TRPV4: variants seen among roughly 807,000 people sequenced by gnomAD.
TRPV4 encodes the protein OSM9-like transient receptor potential channel 4.
Under a neutral mutation model 84.1 loss-of-function variants are expected in TRPV4, and 58 were observed. The observed-to-expected ratio is 0.69, with a 90% CI of 0.56 to 0.86. The LOEUF (loss-of-function observed/expected upper bound fraction) is 0.86, where lower values mean the gene tolerates loss of function less well. Ranked by LOEUF, TRPV4 falls within the 40% of genes least tolerant of loss-of-function variation. The probability of loss-of-function intolerance (pLI) is 0.00; values close to 1 mark genes in which losing one functional copy is unlikely to be tolerated. For synonymous variants in TRPV4, 489 were observed against 500.9 expected (o/e 0.98, Z 0.32); for missense variants, 879 against 1,181.1 (o/e 0.74, Z 3.75).
Position 109,786,673 on chromosome 12 carries a change from C to A in TRPV4, c.2336+37G>T. ...GGGCCCCGAGCCAGTGGGGACAGTTCCGCCCTGCCATCCTGGCCCCACTGC... is the reference window on the plus strand; with the variant it reads ...GGGCCCCGAGCCAGTGGGGACAGTTACGCCCTGCCATCCTGGCCCCACTGC... On this transcript the variant is annotated intron_variant, in intron 14 of 15. Transcript: ENST00000261740. This position sits in a 1 kb window ranked among gnomAD's most constrained non-coding sequence, Gnocchi z 4.5. 6.2e-7 allele frequency: 1 copy of A among 1,612,444 alleles called. No homozygotes were observed. The highest frequency in any genetic ancestry group is 8.5e-7 in the Non-Finnish European group (1 of 1,179,820).
chr12:109,798,589 G>C lies in TRPV4; in HGVS notation c.1152+25C>G. ...CAGAGGGGTACGAGTAGGTGGATCA[G>C]CTGTGCCCCCAGCCGCACACTCACC... On this transcript the variant is annotated intron_variant, in intron 6 of 15. Coordinates refer to ENST00000261740, the MANE Select transcript of TRPV4 (RefSeq NM_021625.5). The surrounding 1 kb of genome is among the most constrained non-coding windows in gnomAD (Gnocchi z 5.0). The C allele has an allele frequency of 6.2e-7, 1 of 1,607,388 alleles. No individual in the cohort carries two copies. The highest frequency in any genetic ancestry group is 8.5e-7 in the Non-Finnish European group (1 of 1,179,844).
chr12:109,797,777 C>T (rs1890498483), intron 6 of TRPV4, among the ~76,000 whole-genome samples: 1 of 152,202 alleles, frequency 6.6e-6, no homozygotes, highest in Non-Finnish European at 1.5e-5. Context: ...ACCTCAGCCT[C>T]CCAACTAGCT....
At position 109,796,452 on chromosome 12, in the gene TRPV4, G is replaced by A; in HGVS notation, c.1332+73C>T. Reference sequence around the variant, plus strand: ...GGCTGGGGCTGTCTCCCCCAGCCCAGCCCCAGGGCCCTGTCCCTACTCCCA... The same window carrying A: ...GGCTGGGGCTGTCTCCCCCAGCCCAACCCCAGGGCCCTGTCCCTACTCCCA... On this transcript the variant is annotated intron_variant, in intron 7 of 15. Coordinates refer to ENST00000261740, the MANE Select transcript of TRPV4 (RefSeq NM_021625.5). This position sits in a 1 kb window ranked among gnomAD's most constrained non-coding sequence, Gnocchi z 4.2. The A allele has an allele frequency of 1.3e-6, 2 of 1,573,436 alleles. No homozygotes were observed. The highest frequency in any genetic ancestry group is 1.7e-6 in the Non-Finnish European group (2 of 1,153,892).
At chr12:109,825,702 G>A (rs370760947) in intron 1 of TRPV4, among the ~76,000 whole-genome samples, 1 of 152,160 alleles carries the variant, frequency 6.6e-6, no homozygotes, top group East Asian at 1.9e-4. Flanking sequence ...GGACCAGAAG[G>A]GACAGGACAC....
intron 7 of TRPV4, among the ~76,000 whole-genome samples, chr12:109,795,455 C>T (rs1890328504): frequency 6.6e-6 from 1 of 152,218 alleles, no homozygotes; most frequent in African/African-American, 2.4e-5. Context: ...AGACCACCTG[C>T]ACCCAGTCCC....
At chr12:109,831,521 T>C (rs149853245) in intron 1 of TRPV4, among the ~76,000 whole-genome samples, 5 of 152,368 alleles carry the variant, frequency 3.3e-5, no homozygotes, top group Middle Eastern at 3.4e-3. Context: ...AAGCTGGGAT[T>C]GGAAGCATCT....
chr12:109,793,464 G>A lies in TRPV4; in HGVS notation c.1658+63C>T. On this transcript the variant is annotated intron_variant, in intron 10 of 15. Transcript: ENST00000261740. The surrounding 1 kb of genome is among the most constrained non-coding windows in gnomAD (Gnocchi z 4.0). ...AATCACCTCTCTCCTGAATCTGGAC[G>A]ACCTAGCAGCCCAAACCCACCTTCC... 1.0e-5 allele frequency: 14 copies of A among 1,389,304 alleles called. No individual in the cohort carries two copies. Among genetic ancestry groups the A allele is most frequent in the Admixed American group, 3.4e-5 (2 of 59,688 alleles). 86.1% of individuals were successfully genotyped at this position (1,389,304 alleles called of 1,614,324 possible). A position where few individuals can be genotyped will look rare whatever the true frequency, so the allele number is the denominator to read the frequency against.
At chr12:109,797,827 A>G (rs12579553) in intron 6 of TRPV4, among the ~76,000 whole-genome samples, 19,281 of 152,172 alleles carry the variant, frequency 0.13, 1,558 homozygotes, top group African/African-American at 0.22. Context: ...TGCTTCTCCC[A>G]GGCTCCTTCC....
chr12:109,799,963 G>A (rs1890670132), intron 5 of TRPV4, among the ~76,000 whole-genome samples: 1 of 150,932 alleles, frequency 6.6e-6, no homozygotes, highest in East Asian at 1.9e-4. Context: ...TATTTTTTGA[G>A]ACAGAGTCTC....
In TRPV4 at chr12:109,814,825, A is replaced by G; in HGVS notation, c.-29T>C. 6.5e-7 allele frequency: 1 copy of G among 1,535,456 alleles called. No homozygotes were observed. The highest frequency in any genetic ancestry group is 8.7e-7 in the Non-Finnish European group (1 of 1,146,632). On this transcript the variant is annotated splice_region_variant and 5_prime_UTR_variant, in exon 2 of 16. Coordinates refer to ENST00000261740, the MANE Select transcript of TRPV4 (RefSeq NM_021625.5). This position sits in a 1 kb window ranked among gnomAD's most constrained non-coding sequence, Gnocchi z 5.4. ...TGCCCCAGGCCCGTCTGCACTGCTC[A>G]GCCTGCAAGGGAATGAAAGGGGAGT...
In TRPV4 at chr12:109,802,619, T is replaced by TTA. The variant is rs1372678874; in HGVS notation, c.712+371_712+372insTA. 1.2e-4 allele frequency among the ~76,000 whole-genome samples: 12 copies of TTA among 100,440 alleles called. No individual in the cohort carries two copies. The South Asian group carries it at 3.7e-3, about 31-fold the overall frequency. The allele number at this position is 100,440 out of a possible 152,430, so 65.9% of individuals were successfully genotyped here. On this transcript the variant is annotated intron_variant, in intron 4 of 15. Coordinates refer to ENST00000261740, the MANE Select transcript of TRPV4 (RefSeq NM_021625.5). Reference sequence around the variant, plus strand: ...ACCTGGCCTTCTTTTATTTTATTTTTTTTTTTTTGTATCTTTTGTCAAGAC... The same window carrying TTA: ...ACCTGGCCTTCTTTTATTTTATTTTTTATTTTTTTTGTATCTTTTGTCAAGAC...
intron 1 of TRPV4, among the ~76,000 whole-genome samples, chr12:109,824,122 C>T (rs919284099): frequency 1.4e-4 from 22 of 152,082 alleles, no homozygotes; most frequent in African/African-American, 4.6e-4. Flanking sequence ...CCCACCGCTG[C>T]GCCAGCTAAT....
chr12:109,802,592 G>T (rs968620303), intron 4 of TRPV4, among the ~76,000 whole-genome samples: 1 of 149,614 alleles, frequency 6.7e-6, no homozygotes, highest in Non-Finnish European at 1.5e-5. Flanking sequence ...GTGAGCCACC[G>T]CACCTGGCCT....
intron 1 of TRPV4, among the ~76,000 whole-genome samples, chr12:109,821,354 C>G (rs781106628): frequency 4.6e-5 from 7 of 152,190 alleles, no homozygotes; most frequent in Non-Finnish European, 1.0e-4. Context: ...CAGGCCTTTG[C>G]CTAGGCTGTT....
intron 12 of TRPV4, 55 bp downstream of exon 12, chr12:109,792,308 C>T: frequency 1.6e-6 from 2 of 1,272,486 alleles, no homozygotes; most frequent in Non-Finnish European, 2.3e-6. Context: ...ATCATGGCTA[C>T]TGTTCCCGTC....
At position 109,792,784 on chromosome 12, in the gene TRPV4, T is replaced by C. The variant is rs1352295335; in HGVS notation, c.1692A>G (p.Ala564=). 6.2e-7 allele frequency: 1 copy of C among 1,614,022 alleles called. No homozygotes were observed. ...FIYSVLVIVS[A]ALYLAGIEAY... ...CCTCGATCCCTGCCAGGTAGAGGGC[T>C]GCTGAGACGATCACCAGGACAGAGT... is the stretch of plus-strand genomic sequence containing the variant. Residue 564 remains alanine (A), a synonymous_variant, in exon 11 of 16, where the codon GCA becomes GCG. Transcript: ENST00000261740.
rs1891787050 is a variant in TRPV4 at position 109,815,116 on chromosome 12, A to G, written c.-31-289T>C. Among the ~76,000 whole-genome samples, 1 of 152,204 alleles carries G rather than the reference A, an allele frequency of 6.6e-6. No homozygotes were observed. The highest frequency in any genetic ancestry group is 1.5e-5 in the Non-Finnish European group (1 of 68,020). On this transcript the variant is annotated intron_variant, in intron 1 of 15. Transcript: ENST00000261740. The surrounding 1 kb of genome is among the most constrained non-coding windows in gnomAD (Gnocchi z 4.1). ...CTTCAGGGTCAAGCTGGGACCCCAT[A>G]CTTGGATCCCAGACCCTACTGCTGA...
chr12:109,795,695 C>T (rs12578401), intron 7 of TRPV4, among the ~76,000 whole-genome samples: 19,237 of 152,096 alleles, frequency 0.13, 1,559 homozygotes, highest in African/African-American at 0.22. Context: ...TACAGAACGA[C>T]GTTCACAAAA....
At chr12:109,787,643 A>T (rs548930094) in intron 13 of TRPV4, among the ~76,000 whole-genome samples, 12 of 152,282 alleles carry the variant, frequency 7.9e-5, no homozygotes, top group African/African-American at 2.9e-4. Context: ...CAATGAAGTA[A>T]GCAATATAGA....
Sources: gnomAD v4.1 joint callset for allele counts (sites outside exome capture counted in the v4.1 genomes callset) on GRCh38, gnomAD v4.1.1 for gene constraint, Gnocchi (gnomAD v3.1) non-coding constraint, MANE v1.5 for transcripts, NCBI Gene and HGNC (gene_info 2026-07-23, HGNC 2026-07-21) for gene names.